CRPPA: variants seen among roughly 807,000 people sequenced by gnomAD.
The protein encoded by CRPPA is CDP-L-ribitol pyrophosphorylase A.
CRPPA carries 43 observed loss-of-function variants against 52.0 expected under a neutral mutation model. That is an observed-to-expected ratio of 0.83 (90% CI 0.65 to 1.07). The LOEUF is 1.07. Ranked by LOEUF, CRPPA falls within the 50% of genes least tolerant of loss-of-function variation. The pLI, the probability that CRPPA is intolerant of heterozygous loss-of-function variation, is 0.00. For missense variants in CRPPA, 629 were observed against 551.7 expected (o/e 1.14, Z -1.40); for synonymous variants, 250 against 203.5 (o/e 1.23, Z -1.94).
intron 2 of CRPPA, among the ~76,000 whole-genome samples, chr7:16,379,865 C>T (rs1391767929): frequency 2.0e-5 from 3 of 152,140 alleles, no homozygotes; most frequent in African/African-American, 2.4e-5. Context: ...GCTGAAGTTG[C>T]TTATCACCTT....
chr7:16,397,248 A>T (rs1289447228), intron 2 of CRPPA, among the ~76,000 whole-genome samples: 1 of 152,230 alleles, frequency 6.6e-6, no homozygotes, highest in Admixed American at 6.5e-5. Flanking sequence ...TGTAACTGAC[A>T]TGTACACATG....
intron 2 of CRPPA, among the ~76,000 whole-genome samples, chr7:16,379,118 C>G (rs961236455): frequency 7.2e-5 from 11 of 152,126 alleles, no homozygotes; most frequent in Non-Finnish European, 1.5e-4. Context: ...TTAATTAGAT[C>G]CCATTTGTCA....
chr7:16,270,075 A>G (rs763552725), intron 6 of CRPPA: 5 of 152,226 alleles, frequency 3.3e-5, no homozygotes, highest in African/African-American at 4.8e-5. Context: ...CCTTCTAAAC[A>G]TATTTACTTT....
intron 9 of CRPPA, among the ~76,000 whole-genome samples, chr7:16,194,342 T>C (rs1363909312): frequency 6.6e-6 from 1 of 152,190 alleles, no homozygotes; most frequent in East Asian, 1.9e-4. Context: ...AAACCTACTC[T>C]GCTTCCTCAG....
chr7:16,252,398 T>C (rs944864203), intron 8 of CRPPA, among the ~76,000 whole-genome samples: 5 of 152,170 alleles, frequency 3.3e-5, no homozygotes, highest in South Asian at 4.1e-4. Flanking sequence ...TGACGGAACG[T>C]ATCTCAAAAT....
At chr7:16,221,442 A>C (rs1047826652) in intron 8 of CRPPA, among the ~76,000 whole-genome samples, 1 of 152,244 alleles carries the variant, frequency 6.6e-6, no homozygotes, top group Non-Finnish European at 1.5e-5. Context: ...AAAATTGACA[A>C]ATGGGATCTG....
At chr7:16,165,636 T>G (rs1781043853) in intron 9 of CRPPA, among the ~76,000 whole-genome samples, 1 of 152,312 alleles carries the variant, frequency 6.6e-6, no homozygotes, top group Non-Finnish European at 1.5e-5. Context: ...CACATGCAAA[T>G]GCAAATTCAA....
At position 16,376,217 on chromosome 7, in the gene CRPPA, C is replaced by G; in HGVS notation, c.559G>C (p.Val187Leu). ...GCAGATGGACTGACGACAGTAGATA[C>G]AAGAGGTCGAATGGCTCCTGCTGCC... ...HGAAGAIRPL[V>L]STVVSPSADG... The change falls in exon 3 of 10, where the codon GTA becomes CTA. Residue 187 changes from valine to leucine, a missense_variant. Val to Leu is a conservative substitution (Grantham distance 32). Coordinates refer to ENST00000407010, the MANE Select transcript of CRPPA (RefSeq NM_001101426.4). The G allele has an allele frequency of 6.2e-7, 1 of 1,610,140 alleles. No homozygotes were observed. The highest frequency in any genetic ancestry group is 8.5e-7 in the Non-Finnish European group (1 of 1,178,274).
At chr7:16,166,527 C>T (rs914992202) in intron 9 of CRPPA, among the ~76,000 whole-genome samples, 1 of 152,154 alleles carries the variant, frequency 6.6e-6, no homozygotes, top group African/African-American at 2.4e-5. Flanking sequence ...TAATCCACCC[C>T]CCTCAATCTC....
intron 3 of CRPPA, among the ~76,000 whole-genome samples, chr7:16,319,437 G>T (rs769708460): frequency 1.3e-5 from 2 of 152,028 alleles, no homozygotes; most frequent in Non-Finnish European, 2.9e-5. Flanking sequence ...CTCCCAACAT[G>T]GATCCCCTAG....
chr7:16,213,760 A>G (rs1782221018), intron 9 of CRPPA, among the ~76,000 whole-genome samples: 1 of 151,946 alleles, frequency 6.6e-6, no homozygotes, highest in Admixed American at 6.6e-5. Flanking sequence ...AAAAAAAAAA[A>G]AAAATTACAG....
intron 2 of CRPPA, among the ~76,000 whole-genome samples, chr7:16,397,130 G>A (rs972580360): frequency 6.6e-6 from 1 of 152,266 alleles, no homozygotes; most frequent in Non-Finnish European, 1.5e-5. Flanking sequence ...CAACTGACAA[G>A]TTAGAGATGC....
chr7:16,371,665 T>G (rs1786752172), intron 3 of CRPPA, among the ~76,000 whole-genome samples: 1 of 151,628 alleles, frequency 6.6e-6, no homozygotes, highest in African/African-American at 2.4e-5. Context: ...TATAACAACC[T>G]ATAAAAGAAC....
intron 3 of CRPPA, among the ~76,000 whole-genome samples, chr7:16,338,106 C>A (rs1456718693): frequency 6.6e-6 from 1 of 151,980 alleles, no homozygotes; most frequent in African/African-American, 2.4e-5. Flanking sequence ...AAAATATTAG[C>A]AAACCAATTG....
chr7:16,253,115 T>C (rs1184556647), intron 8 of CRPPA, among the ~76,000 whole-genome samples: 3 of 152,224 alleles, frequency 2.0e-5, no homozygotes, highest in Non-Finnish European at 4.4e-5. Flanking sequence ...TCAGTTCTGC[T>C]CTGATCTTAA....
intron 1 of CRPPA, among the ~76,000 whole-genome samples, chr7:16,416,572 C>A (rs1461306717): frequency 6.6e-6 from 1 of 151,746 alleles, no homozygotes; most frequent in African/African-American, 2.4e-5. Flanking sequence ...TGGTCACTCA[C>A]ACTTGTAATG....
intron 2 of CRPPA, among the ~76,000 whole-genome samples, chr7:16,383,921 G>A (rs1281647150): frequency 2.6e-5 from 4 of 152,204 alleles, no homozygotes; most frequent in Admixed American, 2.6e-4. Flanking sequence ...GACTAGGAAA[G>A]GGAACTCCCT....
At chr7:16,242,590 C>T (rs911969303) in intron 8 of CRPPA, among the ~76,000 whole-genome samples, 2 of 152,060 alleles carry the variant, frequency 1.3e-5, no homozygotes, top group Admixed American at 1.3e-4. Context: ...TTGAGCTCCT[C>T]GACAACAGAG....
At chr7:16,194,554 GTAT>G (rs1309332054) in intron 9 of CRPPA, among the ~76,000 whole-genome samples, 2 of 152,110 alleles carry the variant, frequency 1.3e-5, no homozygotes, top group Non-Finnish European at 2.9e-5. Context: ...CCTATGGAAA[GTAT>G]TTCCCTAGAC....
Sources: allele counts gnomAD v4.1 joint callset (sites outside exome capture counted in the v4.1 genomes callset), GRCh38; gene constraint gnomAD v4.1.1; transcripts MANE v1.5; gene names NCBI Gene and HGNC (gene_info 2026-07-23, HGNC 2026-07-21).